MAF: variants seen among roughly 807,000 people sequenced by gnomAD.
MAF encodes the protein MAF bZIP transcription factor.
A neutral mutation model predicts 22.0 loss-of-function variants in MAF; 10 were observed. That is an observed-to-expected ratio of 0.45 (90% CI 0.28 to 0.77). The LOEUF is 0.77. Ranked by LOEUF, MAF falls within the 30% of genes least tolerant of loss-of-function variation. MAF has a pLI of 0.12. For missense variants in MAF, 544 were observed against 548.4 expected (o/e 0.99, Z 0.08); for synonymous variants, 337 against 255.8 (o/e 1.32, Z -3.03).
At chr16:79,238,022 C>T in the MAF span, among the ~76,000 whole-genome samples, 4 of 152,060 alleles carry the variant, frequency 2.6e-5, no homozygotes, top group Admixed American at 2.6e-4. Flanking sequence ...ACCTTTTGAC[C>T]TTCTGGATTT....
chr16:79,598,627 T>TTG (rs1175421779), intron 1 of MAF, 158 bp downstream of exon 1: 9 of 1,476,864 alleles, frequency 6.1e-6, no homozygotes, highest in Admixed American at 2.1e-5. Flanking sequence ...GCGTGCGGGT[T>TTG]TGTGTGTGTG....
At chr16:79,406,588 T>A in the MAF span, among the ~76,000 whole-genome samples, 1 of 152,108 alleles carries the variant, frequency 6.6e-6, no homozygotes, top group East Asian at 1.9e-4. Context: ...AGTTCCACCC[T>A]CATGATCTGA....
At chr16:79,449,785 A>T in the MAF span, among the ~76,000 whole-genome samples, 1 of 152,286 alleles carries the variant, frequency 6.6e-6, no homozygotes, top group South Asian at 2.1e-4. Context: ...CTAATAAGCT[A>T]TGATTTACCC....
At chr16:79,313,672 G>C in the MAF span, among the ~76,000 whole-genome samples, 2 of 152,128 alleles carry the variant, frequency 1.3e-5, no homozygotes, top group African/African-American at 4.8e-5. Flanking sequence ...CCTTGGGTGA[G>C]GACTTCTGCT....
chr16:79,212,182 G>C, the MAF span: 1 of 1,472,444 alleles, frequency 6.8e-7, no homozygotes, highest in Non-Finnish European at 8.9e-7. Context: ...ACTGCAGCCG[G>C]GGGCTGGCCT....
chr16:79,437,288 G>A, the MAF span, among the ~76,000 whole-genome samples: 3 of 152,074 alleles, frequency 2.0e-5, no homozygotes, highest in Non-Finnish European at 2.9e-5. Context: ...TCTCCTTCGT[G>A]CAAATTACAT....
At chr16:79,476,891 G>C in the MAF span, among the ~76,000 whole-genome samples, 3 of 152,176 alleles carry the variant, frequency 2.0e-5, no homozygotes, top group East Asian at 1.9e-4. Context: ...GGGAGCTCCT[G>C]TGTGCAGGTC....
chr16:79,600,030 G>C lies in MAF; in HGVS notation c.-128C>G. The stretch of plus-strand genomic sequence containing the variant: ...GGGCTGGGGCGCTTCTAGCTTGCGC[G>C]GCGGTGGCTGGCCCGAAACCTCCGA... On this transcript the variant is annotated 5_prime_UTR_variant, in exon 1 of 2. Transcript: ENST00000326043. 1.5e-6 allele frequency: 2 copies of C among 1,328,574 alleles called. No homozygotes were observed. Among genetic ancestry groups the C allele is most frequent in the South Asian group, 2.6e-5 (2 of 76,424 alleles). 82.3% of individuals were successfully genotyped at this position (1,328,574 alleles called of 1,614,324 possible).
At chr16:79,447,905 A>AAAGAAAAAAG in the MAF span, among the ~76,000 whole-genome samples, 1 of 85,808 alleles carries the variant, frequency 1.2e-5, no homozygotes, top group African/African-American at 4.6e-5. Flanking sequence ...AAAAAAAAAA[A>AAAGAAAAAAG]AAAAGAAAAG....
the MAF span, among the ~76,000 whole-genome samples, chr16:79,242,245 A>C: frequency 9.1e-4 from 139 of 152,004 alleles, no homozygotes; most frequent in Middle Eastern, 6.8e-3. Flanking sequence ...ACAGGCTGGC[A>C]AATTGGATAA....
At chr16:79,268,997 G>T in the MAF span, among the ~76,000 whole-genome samples, 1 of 152,218 alleles carries the variant, frequency 6.6e-6, no homozygotes, top group African/African-American at 2.4e-5. Context: ...GCTGTGGCTT[G>T]CTCATAGTAG....
chr16:79,284,260 G>A, the MAF span, among the ~76,000 whole-genome samples: 1 of 152,164 alleles, frequency 6.6e-6, no homozygotes, highest in Admixed American at 6.5e-5. Context: ...GTCTTGATAT[G>A]AAAGATGTTG....
chr16:79,514,461 C>T, the MAF span, among the ~76,000 whole-genome samples: 1 of 152,110 alleles, frequency 6.6e-6, no homozygotes, highest in Non-Finnish European at 1.5e-5. Context: ...TACATGATTC[C>T]AAAGGGGGAC....
chr16:79,335,658 C>T, the MAF span, among the ~76,000 whole-genome samples: 1 of 152,128 alleles, frequency 6.6e-6, no homozygotes, highest in Non-Finnish European at 1.5e-5. Flanking sequence ...GTGTCCCAGG[C>T]AGGGAAGAAG....
At chr16:79,307,318 G>A in the MAF span, among the ~76,000 whole-genome samples, 1 of 152,196 alleles carries the variant, frequency 6.6e-6, no homozygotes, top group East Asian at 1.9e-4. Flanking sequence ...CCCTGGAATG[G>A]AAGGAAGGGC....
the MAF span, among the ~76,000 whole-genome samples, chr16:79,309,732 G>A: frequency 2.0e-5 from 3 of 152,120 alleles, no homozygotes; most frequent in Non-Finnish European, 4.4e-5. Context: ...ATTACGAGGT[G>A]GTCATTAGCA....
chr16:79,262,423 T>A, the MAF span, among the ~76,000 whole-genome samples: 2 of 152,250 alleles, frequency 1.3e-5, no homozygotes, highest in Non-Finnish European at 2.9e-5. Context: ...TATTTTGGGA[T>A]GTTTTTGTGG....
At chr16:79,591,494 T>TA (rs763536466), downstream of MAF, among the ~76,000 whole-genome samples, 53 of 152,062 alleles carry the variant, frequency 3.5e-4, no homozygotes, top group Non-Finnish European at 6.8e-4. Flanking sequence ...TGTTATTTAG[T>TA]AAAAAGGAAG....
At chr16:79,374,808 T>G in the MAF span, among the ~76,000 whole-genome samples, 111 of 152,350 alleles carry the variant, frequency 7.3e-4, no homozygotes, top group Middle Eastern at 0.01. Flanking sequence ...CTTTGTGTTT[T>G]ATAGTATCTC....
Sources: gnomAD v4.1 joint callset for allele counts (sites outside exome capture counted in the v4.1 genomes callset) on GRCh38, gnomAD v4.1.1 for gene constraint, MANE v1.5 for transcripts, NCBI Gene and HGNC (gene_info 2026-07-23, HGNC 2026-07-21) for gene names.